The following PRAMEF20 variants were observed in gnomAD, a reference collection of about 807,000 sequenced individuals.
The protein encoded by PRAMEF20 is PRAME family member 20.
Under a neutral mutation model 32.4 loss-of-function variants are expected in PRAMEF20, and 27 were observed. The observed-to-expected ratio is 0.83, with a 90% CI of 0.61 to 1.15. The LOEUF (loss-of-function observed/expected upper bound fraction) is 1.15. Among genes scored for constraint, PRAMEF20 ranks in the 50% most tolerant of loss-of-function variants. The probability of loss-of-function intolerance (pLI) is 0.00; values close to 1 mark genes in which losing one functional copy is unlikely to be tolerated. For missense variants in PRAMEF20, 604 were observed against 584.5 expected (o/e 1.03, Z -0.34); for synonymous variants, 256 against 235.4 (o/e 1.09, Z -0.80).
upstream of PRAMEF20, among the ~76,000 whole-genome samples, chr1:13,413,101 TTTTC>T (rs1278236573): frequency 3.3e-5 from 5 of 152,316 alleles, no homozygotes; most frequent in African/African-American, 4.8e-5. Context: ...CTTTCAAGTT[TTTTC>T]TTTCTGTCTA....
the PRAMEF20 span, among the ~76,000 whole-genome samples, chr1:13,410,827 T>C: frequency 2.0e-5 from 3 of 152,036 alleles, no homozygotes; most frequent in African/African-American, 7.2e-5. Flanking sequence ...AAGACCAATC[T>C]GGGCAACATG....
the PRAMEF20 span, among the ~76,000 whole-genome samples, chr1:13,410,776 T>C: frequency 6.6e-6 from 1 of 152,072 alleles, no homozygotes; most frequent in Non-Finnish European, 1.5e-5. Flanking sequence ...CCCAACACTC[T>C]CGGAGGTCAA....
intron 1 of PRAMEF20, among the ~76,000 whole-genome samples, chr1:13,417,787 G>GCT (rs1436006129): frequency 6.8e-6 from 1 of 146,938 alleles, no homozygotes; most frequent in African/African-American, 2.5e-5. Flanking sequence ...CCAGGCTGGG[G>GCT]CTAGAGTGCA....
chr1:13,413,975 T>G (rs1049198972), upstream of PRAMEF20, among the ~76,000 whole-genome samples: 1 of 152,158 alleles, frequency 6.6e-6, no homozygotes, highest in Non-Finnish European at 1.5e-5. Context: ...TCCCCAAAAT[T>G]TTGATTTATG....
chr1:13,417,910 T>TGTGTGTGTGTGTGTGTGTGTGTGTGTG lies in PRAMEF20; in HGVS notation c.288-212_288-211insGTGTGTGTGTGTGTGTGTGTGTGTGTG, dbSNP rs1369049111. Among the ~76,000 whole-genome samples, 81 of 124,288 alleles carry TGTGTGTGTGTGTGTGTGTGTGTGTGTG rather than the reference T, an allele frequency of 6.5e-4. 8 individuals carry two copies. Among genetic ancestry groups the TGTGTGTGTGTGTGTGTGTGTGTGTGTG allele is most frequent in the East Asian group, 6.0e-3 (23 of 3,814 alleles). The allele number at this position is 124,288 out of a possible 152,430, so 81.5% of individuals were successfully genotyped here. A position where few individuals can be genotyped will look rare whatever the true frequency, so the allele number is the denominator to read the frequency against. On this transcript the variant is annotated intron_variant, in intron 1 of 2. Transcript: ENST00000602960. The stretch of plus-strand genomic sequence containing the variant: ...GCGCCCGCCACCACGCCCGGCTAAT[T>TGTGTGTGTGTGTGTGTGTGTGTGTGTG]TGTGTGTGTGTGTGTGTGTGTGTGT...
At chr1:13,421,157 G>C (rs1641239513) in exon 3 of PRAMEF20, 13 of 1,613,808 alleles carry the variant, frequency 8.1e-6, no homozygotes, top group Admixed American at 1.7e-5. Context: ...GAGAGTGAGG[G>C]CCTTAAGGGA....
At chr1:13,416,750 G>C (rs1641179190) in intron 1 of PRAMEF20, 109 bp downstream of exon 2, 1 of 1,586,506 alleles carries the variant, frequency 6.3e-7, no homozygotes, top group Admixed American at 1.9e-5. Context: ...GCTTCTAATG[G>C]TTTTGGTGAG....
At chr1:13,416,382 C>T in exon 1 of PRAMEF20, 1 of 1,613,344 alleles carries the variant, frequency 6.2e-7, no homozygotes, top group African/African-American at 1.3e-5. Context: ...ACCCAGACTC[C>T]TGGAGCTGGC....
chr1:13,413,617 A>C (rs1247477892), upstream of PRAMEF20, among the ~76,000 whole-genome samples: 2 of 152,040 alleles, frequency 1.3e-5, no homozygotes, highest in African/African-American at 4.8e-5. Context: ...CACCCTTCTC[A>C]GCCCCCCAAA....
At chr1:13,415,046 G>A (rs1641155289), upstream of PRAMEF20, among the ~76,000 whole-genome samples, 1 of 151,758 alleles carries the variant, frequency 6.6e-6, no homozygotes, top group Non-Finnish European at 1.5e-5. Flanking sequence ...TTCTGAACAT[G>A]TGATCCATTT....
At chr1:13,416,248 G>C, upstream of PRAMEF20, 1 of 1,591,854 alleles carries the variant, frequency 6.3e-7, no homozygotes, top group Non-Finnish European at 8.6e-7. Context: ...ACCATTGCCA[G>C]AGCAATGACT....
chr1:13,414,257 C>T (rs1286180373), upstream of PRAMEF20, among the ~76,000 whole-genome samples: 2 of 136,070 alleles, frequency 1.5e-5, no homozygotes, highest in African/African-American at 2.7e-5. Flanking sequence ...GACTGGATAT[C>T]ACTATGTTTT....
At chr1:13,421,300 G>T in exon 3 of PRAMEF20, 1 of 1,613,170 alleles carries the variant, frequency 6.2e-7, no homozygotes, top group South Asian at 1.1e-5. Context: ...TCTTTTTTCT[G>T]AACACTTGAA....
At chr1:13,416,273 T>G, upstream of PRAMEF20, 1,053 of 1,588,486 alleles carry the variant, frequency 6.6e-4, no homozygotes, top group Non-Finnish European at 8.3e-4. Flanking sequence ...CCCTGGGAGA[T>G]GAGATTGCAT....
exon 2 of PRAMEF20, chr1:13,418,597 T>A (rs917318036): frequency 7.7e-5 from 124 of 1,613,554 alleles, no homozygotes; most frequent in Non-Finnish European, 9.9e-5. Context: ...GAAGAAGGAG[T>A]TTGTTACCCA....
At chr1:13,416,500 G>C (rs755277413) in exon 1 of PRAMEF20, 19 of 1,613,906 alleles carry the variant, frequency 1.2e-5, no homozygotes, top group South Asian at 9.9e-5. Flanking sequence ...AGGAGACACT[G>C]TGAGGCCCTG....
At chr1:13,415,098 G>A (rs968422902), upstream of PRAMEF20, among the ~76,000 whole-genome samples, 1 of 151,658 alleles carries the variant, frequency 6.6e-6, no homozygotes, top group African/African-American at 2.4e-5. Flanking sequence ...TGTTTTTTGA[G>A]CTTGGAGTTT....
upstream of PRAMEF20, among the ~76,000 whole-genome samples, chr1:13,414,208 A>ATTTTTTTTTTTTT (rs149194621): frequency 1.5e-4 from 19 of 123,274 alleles, no homozygotes; most frequent in Admixed American, 1.8e-4. Context: ...CACCTGACTA[A>ATTTTTTTTTTTTT]TTTTTTTTTT....
At chr1:13,417,688 G>A (rs1314167252) in intron 1 of PRAMEF20, among the ~76,000 whole-genome samples, 1 of 150,622 alleles carries the variant, frequency 6.6e-6, no homozygotes, top group African/African-American at 2.4e-5. Flanking sequence ...GCAGGGAAGA[G>A]AGCAGCTGAT....
Sources: gnomAD v4.1 joint callset for allele counts (sites outside exome capture counted in the v4.1 genomes callset) on GRCh38, gnomAD v4.1.1 for gene constraint, MANE v1.5 for transcripts, NCBI Gene and HGNC (gene_info 2026-07-23, HGNC 2026-07-21) for gene names.